Variants in EEF2 observed in about 807,000 individuals in gnomAD.
The protein encoded by EEF2 is elongation factor 2.
EEF2 carries 21 observed loss-of-function variants against 85.3 expected under a neutral mutation model. The observed-to-expected ratio is 0.25, with a 90% CI of 0.17 to 0.35. The LOEUF is 0.35. Ranked by LOEUF, EEF2 falls within the 10% of genes least tolerant of loss-of-function variation. The pLI, the probability that EEF2 is intolerant of heterozygous loss-of-function variation, is 1.00. For missense variants in EEF2, 825 were observed against 1,225.3 expected (o/e 0.67, Z 4.88); for synonymous variants, 723 against 508.8 (o/e 1.42, Z -5.67).
chr19:3,978,571 C>G (rs902718372), intron 11 of EEF2, among the ~76,000 whole-genome samples: 1 of 151,644 alleles, frequency 6.6e-6, no homozygotes, highest in Non-Finnish European at 1.5e-5. Flanking sequence ...TTTGGGAGGC[C>G]GAGGCGGGTG....
At chr19:3,984,379 C>A in intron 1 of EEF2, 29 bp from the exon 2 acceptor site, 1 of 1,606,712 alleles carries the variant, frequency 6.2e-7, no homozygotes, top group Non-Finnish European at 8.5e-7. Context: ...CTCAGACCAG[C>A]TCGTGATTTC....
At chr19:3,984,688 C>T (rs567080944) in intron 1 of EEF2, 1 of 237,844 alleles carries the variant, frequency 4.2e-6, no homozygotes, top group South Asian at 7.2e-5. Flanking sequence ...CTCCTAAAGC[C>T]CCCTCCACGT....
rs756816493 is a variant in EEF2, at chr19:3,976,529, C to A, written c.*25G>T. On this transcript the variant is annotated 3_prime_UTR_variant, in exon 15 of 15. Transcript: ENST00000309311. Reference sequence around the variant, plus strand: ...CTGTGGGTGCTGCGAGTCCCCGGGGCGGCAGGCGCTGCAGGAAGGGCCGCC... The same window carrying A: ...CTGTGGGTGCTGCGAGTCCCCGGGGAGGCAGGCGCTGCAGGAAGGGCCGCC... The A allele has an allele frequency of 6.3e-7, 1 of 1,582,352 alleles. No individual in the cohort carries two copies. Among genetic ancestry groups the A allele is most frequent in the Non-Finnish European group, 8.6e-7 (1 of 1,165,152 alleles).
intron 11 of EEF2, 123 bp downstream of exon 11, chr19:3,979,206 A>G: frequency 2.8e-6 from 2 of 703,772 alleles, no homozygotes; most frequent in Non-Finnish European, 4.8e-6. Flanking sequence ...GAGGAACTTA[A>G]GAAGCTGAGA....
At chr19:3,978,383 G>A (rs544380670) in intron 11 of EEF2, among the ~76,000 whole-genome samples, 9 of 152,284 alleles carry the variant, frequency 5.9e-5, no homozygotes, top group African/African-American at 1.7e-4. Flanking sequence ...GCTCTCCGGC[G>A]CAGAAACCAC....
intron 1 of EEF2, chr19:3,985,084 CCCG>C: frequency 7.9e-6 from 3 of 378,670 alleles, no homozygotes; most frequent in South Asian, 1.4e-4. Flanking sequence ...CACCGCGGTG[CCCG>C]CCATTACTAC....
At chr19:3,984,646 A>T (rs1211031448) in intron 1 of EEF2, 2 of 378,698 alleles carry the variant, frequency 5.3e-6, no homozygotes, top group Non-Finnish European at 9.8e-6. Flanking sequence ...CTAAAGTCTC[A>T]TTTGGGGCCA....
chr19:3,981,246 C>G (rs2039742244), intron 7 of EEF2, 93 bp downstream of exon 7: 18 of 1,287,658 alleles, frequency 1.4e-5, no homozygotes, highest in South Asian at 1.2e-5. Context: ...CCCTGCCCAG[C>G]TGAGGACTTC....
chr19:3,981,922 G>C, intron 6 of EEF2, 25 bp downstream of exon 6: 1 of 1,607,072 alleles, frequency 6.2e-7, no homozygotes, highest in Non-Finnish European at 8.5e-7. Context: ...GCATCGGCGG[G>C]GTGCCTGGCG....
chr19:3,983,652 C>CA (rs1450595116), intron 2 of EEF2, among the ~76,000 whole-genome samples: 3 of 152,136 alleles, frequency 2.0e-5, no homozygotes. Flanking sequence ...GCCCCTGCTC[C>CA]AGGGGAAATG....
chr19:3,981,868 G>A (rs923338784), intron 6 of EEF2, 79 bp downstream of exon 6: 6 of 1,366,642 alleles, frequency 4.4e-6, no homozygotes, highest in African/African-American at 4.3e-5. Context: ...CCAGTCAGCC[G>A]ACAGGCTACC....
At chr19:3,984,403 T>C (rs968374270) in intron 1 of EEF2, 53 bp from the exon 2 acceptor site, 68 of 1,584,658 alleles carry the variant, frequency 4.3e-5, no homozygotes, top group African/African-American at 8.1e-5. Context: ...GAACACAGCA[T>C]GGCACGGAGC....
In EEF2 at chr19:3,983,230, C is replaced by G. The variant is rs778970489; in HGVS notation, c.280G>C (p.Asp94His). Residue 94 changes from aspartate to histidine, a missense_variant, in exon 3 of 15, where the codon GAC becomes CAC. Asp to His is a moderately conservative substitution (Grantham distance 81). Transcript: ENST00000309311. ...AGGTTGATGAGGAAGCCGGCACCGT[C>G]CTTGCTCTGCTTGATGAAGTTCAAG... ...NDLNFIKQSKDGAGFLINLID... is the reference protein window; with the variant it reads ...NDLNFIKQSKHGAGFLINLID... 4 of 1,613,986 alleles carry G rather than the reference C, an allele frequency of 2.5e-6. No individual in the cohort carries two copies. The South Asian group carries it at 4.4e-5, about 18-fold the overall frequency.
chr19:3,983,501 T>C (rs895625277), intron 2 of EEF2, among the ~76,000 whole-genome samples: 2 of 151,944 alleles, frequency 1.3e-5, no homozygotes, highest in Admixed American at 6.6e-5. Context: ...CATAGCCAGA[T>C]CCTCAGAGCC....
chr19:3,976,757 G>A lies in EEF2; in HGVS notation c.2384-10C>T, dbSNP rs757281092. On this transcript the variant is annotated splice_polypyrimidine_tract_variant and intron_variant, in intron 14 of 14. Coordinates refer to ENST00000309311, the MANE Select transcript of EEF2 (RefSeq NM_001961.4). ...AGGTCAGCGGTGAAGCCTGCAGAGG[G>A]AAGCGAGAGGCTCACTGGGCCATCG... is the stretch of plus-strand genomic sequence containing the variant. 11 of 1,546,354 alleles carry A rather than the reference G, an allele frequency of 7.1e-6. No homozygotes were observed. In the African/African-American group the frequency reaches 9.6e-5, roughly 13 times the overall value.
intron 11 of EEF2, 30 bp downstream of exon 11, chr19:3,979,299 C>T (rs371491265): frequency 2.3e-5 from 37 of 1,576,046 alleles, no homozygotes; most frequent in South Asian, 2.3e-4. Flanking sequence ...CGGGGTGGGG[C>T]GTGGGGAAGG....
At chr19:3,984,470 C>G in intron 1 of EEF2, 120 bp from the exon 2 acceptor site, 5 of 1,076,390 alleles carry the variant, frequency 4.6e-6, no homozygotes, top group Non-Finnish European at 6.8e-6. Flanking sequence ...TGCTGGGGTG[C>G]CCCAAGCCCA....
intron 6 of EEF2, 21 bp from the exon 7 acceptor site, chr19:3,981,473 C>G (rs528035656): frequency 9.3e-6 from 15 of 1,606,890 alleles, no homozygotes; most frequent in Admixed American, 8.3e-5. Flanking sequence ...CACCAAGAAA[C>G]AAGAAAGCCC....
rs2039808295 is a variant in EEF2, at chr19:3,985,418, A to T, written c.-38T>A. On this transcript the variant is annotated 5_prime_UTR_variant, in exon 1 of 15. Coordinates refer to ENST00000309311, the MANE Select transcript of EEF2 (RefSeq NM_001961.4). ...CGGTGGATTCTCCCAGGTAGAACCGAAAGAAGCGAGTCGCGCCGAGGATGG... is the reference window on the plus strand; with the variant it reads ...CGGTGGATTCTCCCAGGTAGAACCGTAAGAAGCGAGTCGCGCCGAGGATGG... 6.7e-7 allele frequency: 1 copy of T among 1,481,932 alleles called. No homozygotes were observed. The highest frequency in any genetic ancestry group is 9.0e-7 in the Non-Finnish European group (1 of 1,109,614). The allele number at this position is 1,481,932 out of a possible 1,614,324, so 91.8% of individuals were successfully genotyped here.
Sources: allele counts gnomAD v4.1 joint callset (sites outside exome capture counted in the v4.1 genomes callset), GRCh38; gene constraint gnomAD v4.1.1; transcripts MANE v1.5; gene names NCBI Gene and HGNC (gene_info 2026-07-23, HGNC 2026-07-21).